GALNT3: variants seen among roughly 807,000 people sequenced by gnomAD.
GALNT3 encodes the protein polypeptide N-acetylgalactosaminyltransferase 3.
GALNT3 carries 51 observed loss-of-function variants against 69.8 expected under a neutral mutation model. That is an observed-to-expected ratio of 0.73 (90% CI 0.58 to 0.92). The LOEUF (loss-of-function observed/expected upper bound fraction) is 0.92, where lower values mean the gene tolerates loss of function less well. Among genes scored for constraint, GALNT3 ranks in the 40% least tolerant of loss-of-function variants. The pLI, the probability that GALNT3 is intolerant of heterozygous loss-of-function variation, is 0.00. For synonymous variants in GALNT3, 265 were observed against 248.5 expected (o/e 1.07, Z -0.63); for missense variants, 711 against 760.0 (o/e 0.94, Z 0.76).
At chr2:165,772,475 C>G (rs953850234) in intron 1 of GALNT3, among the ~76,000 whole-genome samples, 1 of 148,964 alleles carries the variant, frequency 6.7e-6, no homozygotes, top group Non-Finnish European at 1.5e-5. Context: ...GTCCCAGCTA[C>G]TCAGGTGGCT....
At chr2:165,756,596 T>G (rs1688446916) in intron 7 of GALNT3, among the ~76,000 whole-genome samples, 1 of 152,010 alleles carries the variant, frequency 6.6e-6, no homozygotes, top group Admixed American at 6.6e-5. Context: ...TCAAAGGCTT[T>G]GCCAAAGTAA....
At chr2:165,794,675 G>T (rs1336724739), upstream of GALNT3, 1 of 152,298 alleles carries the variant, frequency 6.6e-6, no homozygotes, top group Non-Finnish European at 1.5e-5. Flanking sequence ...CTTCGGGCAG[G>T]GTTCAGCAGC....
At chr2:165,766,509 C>A (rs1688645154) in intron 2 of GALNT3, among the ~76,000 whole-genome samples, 1 of 152,160 alleles carries the variant, frequency 6.6e-6, no homozygotes, top group South Asian at 2.1e-4. Context: ...AACCACAGTG[C>A]CAAGCCTGCT....
chr2:165,749,435 T>G (rs74892677), intron 10 of GALNT3, among the ~76,000 whole-genome samples: 3 of 152,098 alleles, frequency 2.0e-5, no homozygotes, highest in African/African-American at 7.2e-5. Flanking sequence ...AAAATATGAC[T>G]GTTGCTAAAA....
chr2:165,769,364 C>A (rs1441532097), intron 2 of GALNT3, among the ~76,000 whole-genome samples: 1 of 148,234 alleles, frequency 6.7e-6, no homozygotes, highest in Non-Finnish European at 1.5e-5. Context: ...CGAGATCACA[C>A]TACTGCACTC....
intron 9 of GALNT3, 82 bp downstream of exon 9, chr2:165,754,545 G>T: frequency 3.1e-6 from 3 of 979,510 alleles, no homozygotes; most frequent in African/African-American, 1.6e-5. Flanking sequence ...TAAAGCTGCT[G>T]TGGGACTTCT....
At chr2:165,761,706 T>C (rs1369351798) in intron 4 of GALNT3, 199 bp downstream of exon 4, 1 of 720,862 alleles carries the variant, frequency 1.4e-6, no homozygotes, top group Admixed American at 2.0e-5. Flanking sequence ...CAAAAGGAGA[T>C]AAGAATTCTG....
In GALNT3 at chr2:165,757,066, G is replaced by GC; in HGVS notation, c.1372dup (p.Ala458GlyfsTer6). 6.2e-7 allele frequency: 1 copy of GC among 1,613,342 alleles called. No individual in the cohort carries two copies. Among genetic ancestry groups the GC allele is most frequent in the South Asian group, 1.1e-5 (1 of 91,046 alleles). ...ACTTACTTGTTTAACAATTTTTGCT[G>GC]CATCTGTATTTCTCCTATAAAATAT... On this transcript the variant is annotated frameshift_variant, in exon 7 of 11. Transcript: ENST00000392701. LOFTEE classifies it high-confidence loss of function.
intron 9 of GALNT3, among the ~76,000 whole-genome samples, chr2:165,750,641 G>A (rs910001978): frequency 1.3e-5 from 2 of 152,162 alleles, no homozygotes; most frequent in Non-Finnish European, 2.9e-5. Flanking sequence ...TCTGCTGCCA[G>A]ATAGTCTTTT....
At chr2:165,754,873 C>T (rs1688417887) in intron 8 of GALNT3, 59 bp downstream of exon 8, 9 of 1,572,758 alleles carry the variant, frequency 5.7e-6, no homozygotes, top group Non-Finnish European at 7.0e-6. Context: ...TTCTTAGAAC[C>T]ACATAAAGGT....
intron 1 of GALNT3, among the ~76,000 whole-genome samples, chr2:165,788,767 A>G (rs1683283592): frequency 6.6e-6 from 1 of 152,112 alleles, no homozygotes; most frequent in South Asian, 2.1e-4. Context: ...TAAGAAGTCT[A>G]TTGCTGGGAA....
At chr2:165,758,978 T>C (rs2105406895) in intron 5 of GALNT3, 114 bp from the exon 6 acceptor site, 5 of 782,370 alleles carry the variant, frequency 6.4e-6, no homozygotes, top group South Asian at 1.5e-5. Context: ...AAAGCTTTTA[T>C]TCAGATTAAT....
In GALNT3 at chr2:165,770,773, G is replaced by C; in HGVS notation, c.-73C>G. ...TCTGTTACTTATATTTTTTATCATA[G>C]ATTTGCTGAGAAGAAGGTATCTTTA... On this transcript the variant is annotated 5_prime_UTR_variant, in exon 2 of 11. It adds an upstream start codon to the 5' untranslated region. Coordinates refer to ENST00000392701, the MANE Select transcript of GALNT3 (RefSeq NM_004482.4). The C allele has an allele frequency of 6.6e-7, 1 of 1,523,262 alleles. No individual in the cohort carries two copies. Among genetic ancestry groups the C allele is most frequent in the Non-Finnish European group, 8.9e-7 (1 of 1,123,752 alleles). The allele number at this position is 1,523,262 out of a possible 1,614,324, so 94.4% of individuals were successfully genotyped here. A position where few individuals can be genotyped will look rare whatever the true frequency, so the allele number is the denominator to read the frequency against.
At chr2:165,755,153 T>TATTTTTAGCATGG in intron 7 of GALNT3, 90 bp from the exon 8 acceptor site, 1 of 1,245,708 alleles carries the variant, frequency 8.0e-7, no homozygotes, top group Non-Finnish European at 1.2e-6. Context: ...TCTATTTAGG[T>TATTTTTAGCATGG]ATTTTTAAAA....
rs1559002180 is a variant in GALNT3, at chr2:165,770,692, G to A, written c.9C>T (p.His3=). The A allele has an allele frequency of 6.2e-7, 1 of 1,603,318 alleles. No homozygotes were observed. The highest frequency in any genetic ancestry group is 8.5e-7 in the Non-Finnish European group (1 of 1,179,584). The change falls in exon 2 of 11, where the codon CAC becomes CAT. Residue 3 remains histidine (H), a synonymous_variant. Transcript: ENST00000392701. ...TGTGTAATTTTACTAGTCGCTTTAG[G>A]TGAGCCATTCTGACATTAAAAGCTT... MA[H]LKRLVKLHIK... is the part of the protein sequence containing the mutation.
intron 3 of GALNT3, among the ~76,000 whole-genome samples, chr2:165,763,917 C>A (rs1191584720): frequency 6.6e-6 from 1 of 152,086 alleles, no homozygotes; most frequent in East Asian, 1.9e-4. Context: ...GCCTCAGTTT[C>A]TTTAAGATGA....
intron 1 of GALNT3, among the ~76,000 whole-genome samples, chr2:165,789,478 A>G (rs1291722977): frequency 6.6e-6 from 1 of 152,232 alleles, no homozygotes; most frequent in Non-Finnish European, 1.5e-5. Flanking sequence ...TAGCAGTTGT[A>G]GAGGCTAAGA....
At chr2:165,785,050 C>T (rs923438982) in intron 1 of GALNT3, among the ~76,000 whole-genome samples, 1 of 152,078 alleles carries the variant, frequency 6.6e-6, no homozygotes, top group Non-Finnish European at 1.5e-5. Flanking sequence ...GGGCTGCTTA[C>T]TACTGTAGTC....
chr2:165,774,768 G>T (rs1688814965), intron 1 of GALNT3, among the ~76,000 whole-genome samples: 1 of 151,944 alleles, frequency 6.6e-6, no homozygotes, highest in Non-Finnish European at 1.5e-5. Context: ...GAAGAAAGAG[G>T]ACCAAGATTT....
Sources: gnomAD v4.1 joint callset for allele counts (sites outside exome capture counted in the v4.1 genomes callset) on GRCh38, gnomAD v4.1.1 for gene constraint, MANE v1.5 for transcripts, NCBI Gene and HGNC (gene_info 2026-07-23, HGNC 2026-07-21) for gene names.